Variants in ACMSD observed in about 807,000 individuals in gnomAD.
ACMSD encodes the protein aminocarboxymuconate semialdehyde decarboxylase, also known as 2-amino-3-carboxymuconate-6-semialdehyde decarboxylase.
In ACMSD, 37 loss-of-function variants were observed where a neutral mutation model predicts 45.9. That is an observed-to-expected ratio of 0.81 (90% CI 0.62 to 1.06). The LOEUF (loss-of-function observed/expected upper bound fraction) is 1.06. Among genes scored for constraint, ACMSD ranks in the 50% least tolerant of loss-of-function variants. ACMSD has a pLI of 0.00. For synonymous variants in ACMSD, 138 were observed against 148.8 expected (o/e 0.93, Z 0.53); for missense variants, 434 against 420.9 (o/e 1.03, Z -0.27).
At chr2:134,893,929 C>G (rs1271913004) in intron 8 of ACMSD, among the ~76,000 whole-genome samples, 1 of 152,028 alleles carries the variant, frequency 6.6e-6, no homozygotes. Flanking sequence ...GAATAGAATA[C>G]AAAAACACAA....
At chr2:134,878,182 G>A (rs1688854004) in intron 8 of ACMSD, among the ~76,000 whole-genome samples, 1 of 152,202 alleles carries the variant, frequency 6.6e-6, no homozygotes, top group African/African-American at 2.4e-5. Context: ...TAGGATACTT[G>A]CTATCCTTTC....
At position 134,847,855 on chromosome 2, in the gene ACMSD, C is replaced by CT. The variant is rs113677848; in HGVS notation, c.102+2591dup. On this transcript the variant is annotated intron_variant, in intron 2 of 9. Coordinates refer to ENST00000356140, the MANE Select transcript of ACMSD (RefSeq NM_138326.3). Reference sequence around the variant, plus strand: ...TGCCACATTTTCTTTTCTTCTTTTTCTTTTTTTTTTTTTGAGATGGAGTTT... The same window carrying CT: ...TGCCACATTTTCTTTTCTTCTTTTTCTTTTTTTTTTTTTTGAGATGGAGTTT... 0.018 allele frequency among the ~76,000 whole-genome samples: 2,601 copies of CT among 141,952 alleles called. 208 individuals are homozygous for CT. In the East Asian group the frequency reaches 0.29, roughly 16 times the overall value. The allele number at this position is 141,952 out of a possible 152,430, so 93.1% of individuals were successfully genotyped here.
chr2:134,864,761 T>G (rs1185347232), intron 5 of ACMSD, among the ~76,000 whole-genome samples: 1 of 152,196 alleles, frequency 6.6e-6, no homozygotes, highest in Non-Finnish European at 1.5e-5. Context: ...TTTCTATACT[T>G]AAAATATCTC....
chr2:134,898,342 A>C lies in ACMSD; in HGVS notation c.851A>C (p.Asp284Ala). 6.3e-7 allele frequency: 1 copy of C among 1,581,708 alleles called. No homozygotes were observed. Among genetic ancestry groups the C allele is most frequent in the Non-Finnish European group, 8.6e-7 (1 of 1,166,996 alleles). Residue 284 changes from aspartate (D) to alanine (A), a missense_variant and splice_region_variant, in exon 9 of 10, where the codon GAT (aspartate) becomes GCT (alanine). Coordinates refer to ENST00000356140, the MANE Select transcript of ACMSD (RefSeq NM_138326.3). ...LKLLTDVIGK[D>A]KVILGTDYPF... ...AGAAATATATATTTTGTTTTTTAGG[A>C]TAAAGTCATTTTGGGAACCGATTAC...
intron 5 of ACMSD, among the ~76,000 whole-genome samples, chr2:134,866,259 C>A (rs80175926): frequency 0.019 from 2,890 of 152,052 alleles, 108 homozygotes; most frequent in East Asian, 0.14. Context: ...TGCACATGTA[C>A]CCTTAACATA....
intron 8 of ACMSD, among the ~76,000 whole-genome samples, chr2:134,895,426 T>C (rs565354369): frequency 6.7e-6 from 1 of 150,080 alleles, no homozygotes; most frequent in Non-Finnish European, 1.5e-5. Flanking sequence ...AGACATTCCA[T>C]GTTCATTGAT....
intron 8 of ACMSD, among the ~76,000 whole-genome samples, chr2:134,883,110 T>G (rs957916449): frequency 1.3e-5 from 2 of 152,186 alleles, no homozygotes; most frequent in African/African-American, 4.8e-5. Flanking sequence ...ACCTAAAATG[T>G]CCATCATTAG....
intron 2 of ACMSD, among the ~76,000 whole-genome samples, chr2:134,851,255 G>C (rs1030870551): frequency 6.6e-6 from 1 of 152,150 alleles, no homozygotes; most frequent in African/African-American, 2.4e-5. Context: ...ATTGTGAATA[G>C]TGCTGTAATG....
At chr2:134,882,812 T>C (rs1364611449) in intron 8 of ACMSD, among the ~76,000 whole-genome samples, 1 of 152,204 alleles carries the variant, frequency 6.6e-6, no homozygotes, top group Non-Finnish European at 1.5e-5. Flanking sequence ...AGAACCATTT[T>C]GTAAGCCACA....
chr2:134,894,889 G>A (rs891367696), intron 8 of ACMSD, among the ~76,000 whole-genome samples: 2 of 152,134 alleles, frequency 1.3e-5, no homozygotes, highest in Non-Finnish European at 2.9e-5. Context: ...AGCAAGCTTA[G>A]AGAGTACAAG....
chr2:134,857,367 G>A (rs994919377), intron 2 of ACMSD, among the ~76,000 whole-genome samples: 11 of 151,886 alleles, frequency 7.2e-5, no homozygotes, highest in Non-Finnish European at 1.3e-4. Context: ...GAACCTGGGA[G>A]GCAGAGGCTG....
chr2:134,876,384 T>A (rs1304679672), intron 8 of ACMSD, among the ~76,000 whole-genome samples: 1 of 152,202 alleles, frequency 6.6e-6, no homozygotes, highest in Non-Finnish European at 1.5e-5. Flanking sequence ...TACAGAAATA[T>A]TTTCTCTTTA....
intron 6 of ACMSD, among the ~76,000 whole-genome samples, chr2:134,869,275 T>TGATCTCACCTCA (rs1248753219): frequency 1.3e-5 from 2 of 152,146 alleles, no homozygotes; most frequent in Non-Finnish European, 2.9e-5. Flanking sequence ...TGCAGTGGTG[T>TGATCTCACCTCA]GATCTCACCT....
At chr2:134,847,703 T>G (rs954691731) in intron 2 of ACMSD, among the ~76,000 whole-genome samples, 2 of 152,162 alleles carry the variant, frequency 1.3e-5, no homozygotes, top group Non-Finnish European at 2.9e-5. Flanking sequence ...AGTGAGAACA[T>G]GCAGTGTTTG....
intron 8 of ACMSD, among the ~76,000 whole-genome samples, chr2:134,885,322 T>TA (rs1421231346): frequency 1.8e-5 from 2 of 111,100 alleles, no homozygotes; most frequent in East Asian, 2.2e-4. Flanking sequence ...TATATATAAA[T>TA]ATATATGTAA....
chr2:134,889,889 T>G (rs1225530836), intron 8 of ACMSD, among the ~76,000 whole-genome samples: 1 of 151,972 alleles, frequency 6.6e-6, no homozygotes, highest in Non-Finnish European at 1.5e-5. Flanking sequence ...ATTAAGTCCA[T>G]GAGTCCAAAA....
At chr2:134,897,192 G>C (rs1690206468) in intron 8 of ACMSD, among the ~76,000 whole-genome samples, 1 of 151,554 alleles carries the variant, frequency 6.6e-6, no homozygotes, top group Non-Finnish European at 1.5e-5. Flanking sequence ...CCAAGCCCTA[G>C]TCCTACTCCA....
chr2:134,867,549 CT>C, intron 5 of ACMSD, 29 bp from the exon 6 acceptor site: 1 of 1,147,450 alleles, frequency 8.7e-7, no homozygotes, highest in Non-Finnish European at 1.2e-6. Flanking sequence ...CAAAGTAACC[CT>C]CTCTCTCTCT....
chr2:134,845,502 T>C (rs1364856001), intron 2 of ACMSD, among the ~76,000 whole-genome samples: 1 of 138,374 alleles, frequency 7.2e-6, no homozygotes, highest in Non-Finnish European at 1.5e-5. Context: ...TGAGAACACA[T>C]TAAAAGGTCT....
Sources: gnomAD v4.1 joint callset for allele counts (sites outside exome capture counted in the v4.1 genomes callset) on GRCh38, gnomAD v4.1.1 for gene constraint, MANE v1.5 for transcripts, NCBI Gene and HGNC (gene_info 2026-07-23, HGNC 2026-07-21) for gene names.